Variants in CHMP7 observed in about 807,000 individuals in gnomAD.
The protein encoded by CHMP7 is CHMP family, member 7.
A neutral mutation model predicts 53.7 loss-of-function variants in CHMP7; 15 were observed. That is an observed-to-expected ratio of 0.28 (90% CI 0.19 to 0.43). CHMP7 has a LOEUF of 0.43. CHMP7 is among the 20% of genes least tolerant of loss of function. The pLI is 1.00. For missense variants in CHMP7, 527 were observed against 569.4 expected, an observed-to-expected ratio of 0.93 and a Z score of 0.76; for synonymous variants, 261 against 228.0, an observed-to-expected ratio of 1.14 and a Z score of -1.30.
At chr8:23,254,471 T>C (rs1038680652) in intron 3 of CHMP7, among the ~76,000 whole-genome samples, 2 of 152,180 alleles carry the variant, frequency 1.3e-5, no homozygotes, top group African/African-American at 4.8e-5. Context: ...CTCGGCTCAC[T>C]GCAACCTCCG....
chr8:23,256,824 G>T (rs868454366), intron 5 of CHMP7: 1 of 209,844 alleles, frequency 4.8e-6, no homozygotes, highest in Non-Finnish European at 8.5e-6. Context: ...ACGGAGTCTC[G>T]CTCTGTCACC....
At chr8:23,252,109 A>AT (rs1473080202) in intron 3 of CHMP7, among the ~76,000 whole-genome samples, 1 of 145,782 alleles carries the variant, frequency 6.9e-6, no homozygotes, top group Non-Finnish European at 1.5e-5. Context: ...TGAATTGAGC[A>AT]TTTTTTTCAC....
chr8:23,258,960 C>G, intron 8 of CHMP7, 106 bp from the exon 9 acceptor site: 1 of 1,055,266 alleles, frequency 9.5e-7, no homozygotes, highest in Admixed American at 1.7e-5. Flanking sequence ...TTCCTTGATT[C>G]TCACTTGGGG....
intron 7 of CHMP7, 115 bp downstream of exon 7, chr8:23,258,564 G>T: frequency 6.8e-7 from 1 of 1,460,310 alleles, no homozygotes; most frequent in Non-Finnish European, 9.5e-7. Flanking sequence ...TGTGGCTGGG[G>T]TTGCCTTTGC....
At chr8:23,247,838 T>C (rs1320208822) in intron 2 of CHMP7, 3 of 351,452 alleles carry the variant, frequency 8.5e-6, no homozygotes, top group Non-Finnish European at 1.7e-5. Context: ...AGTGTACTTA[T>C]CATTCTGAGA....
At position 23,246,893 on chromosome 8, in the gene CHMP7, C is replaced by T. The variant is rs770830767; in HGVS notation, c.198C>T (p.Arg66=). 1 of 1,585,086 alleles carries T rather than the reference C, an allele frequency of 6.3e-7. No homozygotes were observed. The highest frequency in any genetic ancestry group is 8.6e-7 in the Non-Finnish European group (1 of 1,166,404). Residue 66 remains arginine (R), a synonymous_variant, in exon 2 of 11, where the codon CGC becomes CGT. Coordinates refer to ENST00000397677, the MANE Select transcript of CHMP7 (RefSeq NM_152272.5). Reference sequence around the variant, plus strand: ...CGTTGGTGCTGAGCCACAGCCGCCGCCAGGGGGTGGTGCGCCTGCGTCTGC... The same window carrying T: ...CGTTGGTGCTGAGCCACAGCCGCCGTCAGGGGGTGGTGCGCCTGCGTCTGC... ...WAPLVLSHSR[R]QGVVRLRLRD... is the part of the protein sequence containing the mutation.
chr8:23,246,622 G>T lies in CHMP7; in HGVS notation c.-74G>T. 1 of 1,312,706 alleles carries T rather than the reference G, an allele frequency of 7.6e-7. No individual in the cohort carries two copies. 81.3% of individuals were successfully genotyped at this position (1,312,706 alleles called of 1,614,324 possible). On this transcript the variant is annotated 5_prime_UTR_variant, in exon 2 of 11. Coordinates refer to ENST00000397677, the MANE Select transcript of CHMP7 (RefSeq NM_152272.5). ...AGAAGGAGGTGGTCAAGGAACGGAA[G>T]CCGGGAGGGAACGAGGGCGGAAGCG...
intron 3 of CHMP7, among the ~76,000 whole-genome samples, chr8:23,254,270 T>C (rs555498042): frequency 2.4e-4 from 37 of 152,276 alleles, no homozygotes; most frequent in African/African-American, 8.9e-4. Flanking sequence ...TCAGTCTTTC[T>C]TGTTTCTGGT....
chr8:23,248,882 C>A (rs888021798), intron 2 of CHMP7, among the ~76,000 whole-genome samples: 1 of 152,170 alleles, frequency 6.6e-6, no homozygotes, highest in South Asian at 2.1e-4. Flanking sequence ...GCCCAGAAGC[C>A]GCCTGTGTTT....
chr8:23,246,464 C>T lies in CHMP7; in HGVS notation c.-232C>T, dbSNP rs1801685225. 3 of 557,556 alleles carry T rather than the reference C, an allele frequency of 5.4e-6. No homozygotes were observed. Among genetic ancestry groups the T allele is most frequent in the Non-Finnish European group, 9.5e-6 (3 of 315,106 alleles). The allele number at this position is 557,556 out of a possible 1,614,324, so 34.5% of individuals were successfully genotyped here. A position where few individuals can be genotyped will look rare whatever the true frequency, so the allele number is the denominator to read the frequency against. ...CAAAGACCGTGGGAGGAGGGGTCGG[C>T]GCAAGCGCTCGGTGTCTCTCTGAAA... On this transcript the variant is annotated 5_prime_UTR_variant, in exon 2 of 11. Transcript: ENST00000397677.
chr8:23,250,277 T>A (rs78896483), intron 3 of CHMP7, among the ~76,000 whole-genome samples: 1,533 of 152,232 alleles, frequency 0.01, 34 homozygotes, highest in African/African-American at 0.035. Context: ...AAGCCTGACC[T>A]CCTCAGAGCC....
At position 23,246,680 on chromosome 8, in the gene CHMP7, C is replaced by T. The variant is rs560767327; in HGVS notation, c.-16C>T. On this transcript the variant is annotated 5_prime_UTR_variant, in exon 2 of 11. Coordinates refer to ENST00000397677, the MANE Select transcript of CHMP7 (RefSeq NM_152272.5). ...GCCAGGCTTGTGTTCGCAGCCTTGC[C>T]GGGGCTGGGGTTCCGATGTGGTCCC... 95 of 1,544,294 alleles carry T rather than the reference C, an allele frequency of 6.2e-5. No individual in the cohort carries two copies. The highest frequency in any genetic ancestry group is 3.7e-4 in the East Asian group (15 of 40,832).
chr8:23,252,278 C>G (rs560661907), intron 3 of CHMP7: 1 of 147,468 alleles, frequency 6.8e-6, no homozygotes, highest in Non-Finnish European at 1.5e-5. Context: ...CTCCGCCTTT[C>G]GGGTTCACGC....
chr8:23,258,747 C>T lies in CHMP7; in HGVS notation c.976C>T (p.Gln326Ter). 1 of 1,612,716 alleles carries T rather than the reference C, an allele frequency of 6.2e-7. No individual in the cohort carries two copies. Among genetic ancestry groups the T allele is most frequent in the Non-Finnish European group, 8.5e-7 (1 of 1,178,884 alleles). Residue 326 changes from glutamine (Q) to a stop codon, truncating the protein, a stop_gained, in exon 8 of 11, where the codon CAG becomes TAG. Coordinates refer to ENST00000397677, the MANE Select transcript of CHMP7 (RefSeq NM_152272.5). LOFTEE classifies it high-confidence loss of function. ...QTDQMVFNAY[Q>*]AGVGALKLSM... ...TTGTCTTTAGGTTTTTAACGCCTAC[C>T]AGGCTGGGGTAGGAGCACTCAAACT...
At chr8:23,251,674 C>T (rs1801934842) in intron 3 of CHMP7, among the ~76,000 whole-genome samples, 1 of 152,164 alleles carries the variant, frequency 6.6e-6, no homozygotes, top group South Asian at 2.1e-4. Context: ...GTTTTCTTTC[C>T]ATTGCATTGT....
At chr8:23,258,107 A>T in intron 6 of CHMP7, 26 bp downstream of exon 6, 1 of 1,599,280 alleles carries the variant, frequency 6.3e-7, no homozygotes, top group South Asian at 1.1e-5. Flanking sequence ...CTCCAGACCC[A>T]TAGCAGTGCC....
At chr8:23,259,784 C>A in intron 9 of CHMP7, 1 of 206,896 alleles carries the variant, frequency 4.8e-6, no homozygotes, top group Non-Finnish European at 9.7e-6. Flanking sequence ...TGGGGCTCAT[C>A]TGCGGGAGCA....
chr8:23,247,918 G>GTTTT, intron 2 of CHMP7: 2 of 330,338 alleles, frequency 6.1e-6, no homozygotes, highest in Non-Finnish European at 1.2e-5. Flanking sequence ...TGTTTGGTTG[G>GTTTT]TTTTTTTTTT....
rs75407451 is a variant in CHMP7 at position 23,260,981 on chromosome 8, T to TC, written c.*388dup. 0.21 allele frequency: 54,235 copies of TC among 256,468 alleles called. 7,690 individuals carry two copies. Among genetic ancestry groups the TC allele is most frequent in the Non-Finnish European group, 0.28 (37,306 of 132,322 alleles). The allele number at this position is 256,468 out of a possible 1,614,324, so 15.9% of individuals were successfully genotyped here. ...TTGCCAAATCTGAATCAGTTCCCACTCCCCCCTGCGGTTTTTTAGAGGGGT... is the reference window on the plus strand; with the variant it reads ...TTGCCAAATCTGAATCAGTTCCCACTCCCCCCCTGCGGTTTTTTAGAGGGGT... On this transcript the variant is annotated 3_prime_UTR_variant, in exon 11 of 11. Transcript: ENST00000397677.
Sources: allele counts gnomAD v4.1 joint callset (sites outside exome capture counted in the v4.1 genomes callset), GRCh38; gene constraint gnomAD v4.1.1; transcripts MANE v1.5; gene names NCBI Gene and HGNC (gene_info 2026-07-23, HGNC 2026-07-21).